MYO5B: variants seen among roughly 807,000 people sequenced by gnomAD.
MYO5B encodes the protein myosin VB, also known as unconventional myosin-Vb.
Under a neutral mutation model 229.3 loss-of-function variants are expected in MYO5B, and 143 were observed. The ratio of observed to expected loss-of-function variants is 0.62; its 90% CI spans 0.54 to 0.72. MYO5B has a LOEUF of 0.72. Ranked by LOEUF, MYO5B falls within the 30% of genes least tolerant of loss-of-function variation. MYO5B has a pLI of 0.00. For synonymous variants in MYO5B, 918 were observed against 885.2 expected (o/e 1.04, Z -0.66); for missense variants, 2,321 against 2,331.0 (o/e 1.00, Z 0.09).
chr18:50,064,829 T>C (rs1480079849), intron 1 of MYO5B, among the ~76,000 whole-genome samples: 1 of 152,232 alleles, frequency 6.6e-6, no homozygotes, highest in African/African-American at 2.4e-5. Flanking sequence ...CCTTGACCTC[T>C]CTAAACAACC....
At chr18:49,844,135 A>C (rs1055016377) in intron 33 of MYO5B, among the ~76,000 whole-genome samples, 1 of 152,176 alleles carries the variant, frequency 6.6e-6, no homozygotes, top group Non-Finnish European at 1.5e-5. Context: ...GAGTCTCCCC[A>C]TTAACTGCAG....
At chr18:49,954,024 ATGTGTGTGTGTGTGTGTGTGTG>A (rs766610907) in intron 13 of MYO5B, among the ~76,000 whole-genome samples, 25 of 51,138 alleles carry the variant, frequency 4.9e-4, no homozygotes, top group African/African-American at 1.6e-3. Context: ...ATGTATTTAT[ATGTGTGTGTGTGTGTGTGTGTG>A]TGTGTGTGTG....
intron 39 of MYO5B, among the ~76,000 whole-genome samples, chr18:49,834,830 G>A (rs1486942679): frequency 1.3e-5 from 2 of 152,050 alleles, no homozygotes; most frequent in South Asian, 2.1e-4. Context: ...AGTAGAGACC[G>A]GGTTTCACCG....
At chr18:50,111,405 C>A (rs1030306116) in intron 1 of MYO5B, among the ~76,000 whole-genome samples, 1 of 152,208 alleles carries the variant, frequency 6.6e-6, no homozygotes, top group African/African-American at 2.4e-5. Context: ...AAGATACACA[C>A]CCATGTCAAG....
chr18:49,829,156 A>G (rs1787517), intron 39 of MYO5B, among the ~76,000 whole-genome samples: 92,908 of 150,286 alleles, frequency 0.62, 28,876 homozygotes, highest in Middle Eastern at 0.76. Flanking sequence ...ATCTCTGCTC[A>G]CAATCTCCGC....
rs369377048 is a variant in MYO5B, at chr18:49,992,352, C to G, written c.692G>C (p.Arg231Thr). Residue 231 changes from arginine to threonine, a missense_variant, in exon 6 of 40, where the codon AGG becomes ACG. By Grantham distance (71) the Arg-to-Thr change is moderately conservative. Around this residue, in one of 2 missense-constraint regions of MYO5B, gnomAD observed 2,113 missense variants for 2,044.7 expected, o/e 1.03. Coordinates refer to ENST00000285039, the MANE Select transcript of MYO5B (RefSeq NM_001080467.3). Reference protein sequence around the residue: ...GKYIQIGFDKRYHIIGANMRT... With the variant: ...GKYIQIGFDKTYHIIGANMRT... ...CATGTTGGCCCCGATGATGTGGTAC[C>G]TTTTGTCAAAGCCAATCTGGATGTA... 77 of 1,614,040 alleles carry G rather than the reference C, an allele frequency of 4.8e-5. No individual in the cohort carries two copies. The highest frequency in any genetic ancestry group is 6.7e-5 in the African/African-American group (5 of 74,898).
intron 1 of MYO5B, among the ~76,000 whole-genome samples, chr18:50,093,191 C>T (rs966101306): frequency 1.4e-5 from 2 of 139,314 alleles, no homozygotes; most frequent in African/African-American, 2.9e-5. Context: ...CACACACACA[C>T]ACACACACAC....
chr18:49,858,298 G>A (rs2024286896), intron 29 of MYO5B, among the ~76,000 whole-genome samples: 1 of 151,980 alleles, frequency 6.6e-6, no homozygotes, highest in South Asian at 2.1e-4. Context: ...TTTCATGGCT[G>A]GTGCTTTAAC....
intron 28 of MYO5B, 24 bp from the exon 29 acceptor site, chr18:49,863,351 T>C (rs780231428): frequency 4.4e-6 from 7 of 1,598,580 alleles, no homozygotes; most frequent in African/African-American, 1.3e-5. Flanking sequence ...GATAAAAAAA[T>C]AACTCTGGTT....
chr18:50,002,593 A>G (rs1004560903), intron 4 of MYO5B, among the ~76,000 whole-genome samples: 2 of 152,152 alleles, frequency 1.3e-5, no homozygotes, highest in Non-Finnish European at 2.9e-5. Context: ...GGGAGTGAGG[A>G]CAAACGTTTG....
At position 49,999,898 on chromosome 18, in the gene MYO5B, T is replaced by C. The variant is rs1230917064; in HGVS notation, c.612+1357A>G. 3.9e-5 allele frequency among the ~76,000 whole-genome samples: 6 copies of C among 152,276 alleles called. No individual in the cohort carries two copies. The East Asian group carries it at 9.6e-4, about 24-fold the overall frequency. Reference sequence around the variant, plus strand: ...CCCTCAAATTTGAGAAGCACTGTAATGGAATAAAAGTTTTTCTTTTTGTCT... The same window carrying C: ...CCCTCAAATTTGAGAAGCACTGTAACGGAATAAAAGTTTTTCTTTTTGTCT... On this transcript the variant is annotated intron_variant, in intron 5 of 39. Transcript: ENST00000285039.
intron 1 of MYO5B, among the ~76,000 whole-genome samples, chr18:50,115,547 G>GACACACACACACACACAC: frequency 1.6e-5 from 2 of 125,180 alleles, no homozygotes; most frequent in South Asian, 5.0e-4. Context: ...CACACAGAGA[G>GACACACACACACACACAC]ACACACACAC....
intron 4 of MYO5B, among the ~76,000 whole-genome samples, chr18:50,018,569 T>C (rs2026241409): frequency 6.6e-6 from 1 of 152,200 alleles, no homozygotes; most frequent in South Asian, 2.1e-4. Context: ...GTAGGCACTT[T>C]CTGTATATCA....
chr18:50,036,939 A>T lies in MYO5B; in HGVS notation c.366T>A (p.Asp122Glu), dbSNP rs1172011674. The T allele has an allele frequency of 1.2e-6, 2 of 1,614,150 alleles. No homozygotes were observed. Among genetic ancestry groups the T allele is most frequent in the East Asian group, 2.2e-5 (1 of 44,890 alleles). ...PYEQLPIYGQ[D>E]VIYTYSGQNM... ...TTTGGCCACTGTAGGTATAGATGAC[A>T]TCTTGTCCATAGATTGGCAACTGTT... Residue 122 changes from aspartate to glutamate, a missense_variant, in exon 4 of 40, where the codon GAT becomes GAA. Physicochemically the swap from Asp to Glu is conservative, Grantham distance 45 (BLOSUM62 2). Coordinates refer to ENST00000285039, the MANE Select transcript of MYO5B (RefSeq NM_001080467.3).
At chr18:49,983,087 A>G (rs891359267) in intron 8 of MYO5B, among the ~76,000 whole-genome samples, 4 of 152,182 alleles carry the variant, frequency 2.6e-5, no homozygotes, top group African/African-American at 9.7e-5. Context: ...ATAGGCATGT[A>G]GTGCTGAGGA....
chr18:49,928,284 G>A (rs1291670440), intron 17 of MYO5B, among the ~76,000 whole-genome samples: 1 of 152,184 alleles, frequency 6.6e-6, no homozygotes, highest in Non-Finnish European at 1.5e-5. Flanking sequence ...CACTGCTGGT[G>A]GGAATGTAAA....
chr18:49,959,766 T>C (rs952076326), intron 12 of MYO5B, among the ~76,000 whole-genome samples: 3 of 152,104 alleles, frequency 2.0e-5, no homozygotes, highest in African/African-American at 7.2e-5. Flanking sequence ...GAAGAGGATA[T>C]TAGGAAATCC....
At chr18:49,865,620 T>C (rs2024387003) in intron 27 of MYO5B, among the ~76,000 whole-genome samples, 1 of 152,132 alleles carries the variant, frequency 6.6e-6, no homozygotes, top group Non-Finnish European at 1.5e-5. Context: ...CACTGCACAG[T>C]CCTGGAACCT....
At chr18:49,980,742 G>T (rs1300232508) in intron 8 of MYO5B, among the ~76,000 whole-genome samples, 189 bp from the exon 9 acceptor site, 1 of 151,992 alleles carries the variant, frequency 6.6e-6, no homozygotes, top group Non-Finnish European at 1.5e-5. Flanking sequence ...AGGGCAAAGG[G>T]GCTCCTTGGA....
Sources: allele counts gnomAD v4.1 joint callset (sites outside exome capture counted in the v4.1 genomes callset), GRCh38; gene constraint gnomAD v4.1.1; regional missense constraint gnomAD v4.1.1; transcripts MANE v1.5; gene names NCBI Gene and HGNC (gene_info 2026-07-23, HGNC 2026-07-21).